NRXN3: variants seen among roughly 807,000 people sequenced by gnomAD.
NRXN3 encodes the protein neurexin III.
Under a neutral mutation model 137.6 loss-of-function variants are expected in NRXN3, and 32 were observed. The ratio of observed to expected loss-of-function variants is 0.23; its 90% CI spans 0.18 to 0.31. NRXN3 has a LOEUF of 0.31. NRXN3 is among the 10% of genes least tolerant of loss of function. NRXN3 has a pLI of 1.00. For synonymous variants in NRXN3, 798 were observed against 784.5 expected (o/e 1.02, Z -0.29); for missense variants, 1,574 against 2,062.5 (o/e 0.76, Z 4.59).
rs1045478098 is a variant in NRXN3 at position 78,739,054 on chromosome 14, C to T, written c.2044+23915C>T. Among the ~76,000 whole-genome samples the T allele has an allele frequency of 3.3e-5, 5 of 152,234 alleles. No individual in the cohort carries two copies. In the South Asian group the frequency reaches 8.3e-4, roughly 25 times the overall value. On this transcript the variant is annotated intron_variant, in intron 8 of 20. Transcript: ENST00000335750. ...TGCCTGTGAACGCCAAGCCTCCACT[C>T]TCTTCCCCAGATCCTATTCTCCGTC...
At chr14:78,499,440 T>C (rs1416365256) in intron 4 of NRXN3, among the ~76,000 whole-genome samples, 1 of 152,232 alleles carries the variant, frequency 6.6e-6, no homozygotes, top group African/African-American at 2.4e-5. Context: ...CACTGCTCAC[T>C]ATAACAGAGA....
At chr14:78,590,535 G>A (rs2097107342) in intron 4 of NRXN3, among the ~76,000 whole-genome samples, 1 of 152,162 alleles carries the variant, frequency 6.6e-6, no homozygotes, top group African/African-American at 2.4e-5. Flanking sequence ...TTCTTCTTTG[G>A]GAGTGAAAAC....
intron 15 of NRXN3, among the ~76,000 whole-genome samples, chr14:79,143,592 C>G (rs1382634492): frequency 6.6e-6 from 1 of 152,274 alleles, no homozygotes; most frequent in East Asian, 1.9e-4. Flanking sequence ...ATTTTCTTCC[C>G]CATGACAGAA....
intron 15 of NRXN3, among the ~76,000 whole-genome samples, chr14:79,245,933 C>T (rs1009546627): frequency 6.6e-6 from 1 of 152,092 alleles, no homozygotes; most frequent in Non-Finnish European, 1.5e-5. Context: ...TGTCAAGGGT[C>T]ATAGGTCCTT....
At chr14:78,714,615 T>G in intron 7 of NRXN3, 141 bp from the exon 8 acceptor site, 1 of 996,014 alleles carries the variant, frequency 1.0e-6, no homozygotes, top group Non-Finnish European at 1.5e-6. Context: ...GTCTTTTCCA[T>G]TGTCTTGTAA....
At chr14:79,586,006 A>G (rs2097763032) in intron 16 of NRXN3, among the ~76,000 whole-genome samples, 1 of 152,216 alleles carries the variant, frequency 6.6e-6, no homozygotes, top group South Asian at 2.1e-4. Context: ...TGCTCCCTCA[A>G]ATAAGCACAA....
At chr14:79,540,592 C>T (rs1185145960) in intron 16 of NRXN3, among the ~76,000 whole-genome samples, 2 of 152,086 alleles carry the variant, frequency 1.3e-5, no homozygotes. Context: ...AGTGTCACAG[C>T]CTAGGTAGGT....
At chr14:79,257,343 CTGGTGG>C (rs577147425) in intron 15 of NRXN3, among the ~76,000 whole-genome samples, 16 of 12,674 alleles carry the variant, frequency 1.3e-3, no homozygotes, top group South Asian at 9.8e-3. Flanking sequence ...TGTCTTATTC[CTGGTGG>C]TGGTGGTGGT....
chr14:78,684,032 CT>C (rs1401053282), intron 6 of NRXN3, among the ~76,000 whole-genome samples: 1 of 152,132 alleles, frequency 6.6e-6, no homozygotes, highest in African/African-American at 2.4e-5. Flanking sequence ...AATAAAGATT[CT>C]CACTTTTCTA....
At chr14:79,253,888 G>T (rs1055026962) in intron 15 of NRXN3, among the ~76,000 whole-genome samples, 1 of 152,218 alleles carries the variant, frequency 6.6e-6, no homozygotes, top group Non-Finnish European at 1.5e-5. Context: ...ATATCATCAA[G>T]CAAGTGGGTG....
At chr14:78,816,862 T>C (rs1483096961) in intron 10 of NRXN3, among the ~76,000 whole-genome samples, 1 of 152,206 alleles carries the variant, frequency 6.6e-6, no homozygotes, top group Non-Finnish European at 1.5e-5. Context: ...CTTTTCAAAA[T>C]GTTGCTGTCA....
intron 16 of NRXN3, among the ~76,000 whole-genome samples, chr14:79,655,793 A>G (rs1390546922): frequency 2.6e-5 from 4 of 152,186 alleles, no homozygotes; most frequent in African/African-American, 9.6e-5. Context: ...GTCTCCAGAC[A>G]TTGCCAAATG....
chr14:79,739,208 T>C (rs1386438368), intron 19 of NRXN3, among the ~76,000 whole-genome samples: 1 of 152,092 alleles, frequency 6.6e-6, no homozygotes, highest in African/African-American at 2.4e-5. Context: ...AGAGACAGAA[T>C]AGAAAAATCC....
At chr14:78,877,650 A>G (rs537138396) in intron 10 of NRXN3, among the ~76,000 whole-genome samples, 6 of 152,346 alleles carry the variant, frequency 3.9e-5, no homozygotes, top group African/African-American at 1.4e-4. Context: ...ACAGGCTTTT[A>G]TGAATCCATG....
chr14:79,263,927 C>T (rs2078028119), intron 15 of NRXN3, among the ~76,000 whole-genome samples: 1 of 152,114 alleles, frequency 6.6e-6, no homozygotes, highest in Admixed American at 6.5e-5. Flanking sequence ...GCTAAGAACT[C>T]TTTTGCCAGA....
intron 4 of NRXN3, among the ~76,000 whole-genome samples, chr14:78,626,578 A>G (rs764014169): frequency 9.2e-5 from 14 of 152,236 alleles, no homozygotes; most frequent in Non-Finnish European, 8.8e-5. Flanking sequence ...GGATGTACAT[A>G]TATCTCCCCA....
At chr14:78,637,975 C>A (rs542419648) in intron 4 of NRXN3, among the ~76,000 whole-genome samples, 1 of 152,326 alleles carries the variant, frequency 6.6e-6, no homozygotes, top group South Asian at 2.1e-4. Flanking sequence ...CAGTTGACAG[C>A]AATTCAGTCT....
At chr14:78,574,947 A>T (rs2096922892) in intron 4 of NRXN3, among the ~76,000 whole-genome samples, 1 of 152,236 alleles carries the variant, frequency 6.6e-6, no homozygotes, top group Non-Finnish European at 1.5e-5. Flanking sequence ...TCTCACCTTG[A>T]ATTATAATAA....
At position 78,953,969 on chromosome 14, in the gene NRXN3, A is replaced by T. The variant is rs78293751; in HGVS notation, c.2276-3273A>T. ...TTTTTGTCTGAACCATCCTTTACTTACGTGAATCACTCTTTACATTCATTG... is the reference window on the plus strand; with the variant it reads ...TTTTTGTCTGAACCATCCTTTACTTTCGTGAATCACTCTTTACATTCATTG... On this transcript the variant is annotated intron_variant, in intron 10 of 20. Coordinates refer to ENST00000335750, the MANE Select transcript of NRXN3 (RefSeq NM_001330195.2). Among the ~76,000 whole-genome samples the T allele has an allele frequency of 4.7e-4, 71 of 152,284 alleles. 1 individual carries two copies. The highest frequency in any genetic ancestry group is 8.7e-4 in the Non-Finnish European group (59 of 68,024).
Sources: allele counts gnomAD v4.1 joint callset (sites outside exome capture counted in the v4.1 genomes callset), GRCh38; gene constraint gnomAD v4.1.1; transcripts MANE v1.5; gene names NCBI Gene and HGNC (gene_info 2026-07-23, HGNC 2026-07-21).